Variants in ARHGAP6 observed in about 807,000 individuals in gnomAD.
The protein encoded by ARHGAP6 is rho GTPase-activating protein 6.
Under a neutral mutation model 55.7 loss-of-function variants are expected in ARHGAP6, and 16 were observed. The observed-to-expected ratio is 0.29, with a 90% CI of 0.19 to 0.44. The LOEUF (loss-of-function observed/expected upper bound fraction) is 0.44, where lower values mean the gene tolerates loss of function less well. ARHGAP6 is among the 20% of genes least tolerant of loss of function. The pLI is 1.00. For missense variants in ARHGAP6, 698 were observed against 808.9 expected (o/e 0.86, Z 1.66); for synonymous variants, 382 against 360.9 (o/e 1.06, Z -0.66).
chrX:11,485,467 A>G (rs1163954417), intron 1 of ARHGAP6, among the ~76,000 whole-genome samples: 1 of 112,303 alleles, frequency 8.9e-6, no homozygotes, highest in Non-Finnish European at 1.9e-5. Flanking sequence ...GAGCTTACAT[A>G]ATGTTGGTCT....
intron 1 of ARHGAP6, chrX:11,294,880 T>A: frequency 8.4e-7 from 1 of 1,195,748 alleles, no homozygotes; most frequent in Admixed American, 2.2e-5. Flanking sequence ...AGTGTCCAAT[T>A]TCACAAACTT....
intron 9 of ARHGAP6, 116 bp from the exon 10 acceptor site, chrX:11,156,742 A>G: frequency 3.6e-6 from 2 of 553,070 alleles, no homozygotes; most frequent in South Asian, 6.2e-5. Flanking sequence ...AAGACAGCAG[A>G]ATGATTTGCT....
intron 1 of ARHGAP6, among the ~76,000 whole-genome samples, chrX:11,328,544 T>A (rs887814384): frequency 8.9e-6 from 1 of 112,243 alleles, no homozygotes; most frequent in Admixed American, 9.5e-5. Context: ...CTGAATTCAG[T>A]GCCTGACCAC....
At chrX:11,333,528 C>T (rs991626594) in intron 1 of ARHGAP6, among the ~76,000 whole-genome samples, 5 of 111,428 alleles carry the variant, frequency 4.5e-5, no homozygotes, top group Admixed American at 9.5e-5. Flanking sequence ...ATTAGCAGCA[C>T]GAAAATGGAC....
chrX:11,605,170 A>G (rs1037579749), intron 1 of ARHGAP6, among the ~76,000 whole-genome samples: 14 of 111,484 alleles, frequency 1.3e-4, no homozygotes, highest in African/African-American at 3.3e-4. Context: ...AATGGACGCA[A>G]TGTTCTCCAT....
chrX:11,338,682 C>T (rs1318101777), intron 1 of ARHGAP6, among the ~76,000 whole-genome samples: 1 of 112,168 alleles, frequency 8.9e-6, no homozygotes, highest in East Asian at 2.8e-4. Context: ...ACTTCCCAGA[C>T]ACTCCTTCAA....
intron 1 of ARHGAP6, among the ~76,000 whole-genome samples, chrX:11,373,538 T>C (rs779997054): frequency 8.9e-6 from 1 of 112,193 alleles, no homozygotes; most frequent in Non-Finnish European, 1.9e-5. Flanking sequence ...ATTTCAAGCA[T>C]ATAAATAACA....
chrX:11,643,758 G>C (rs905784590), intron 1 of ARHGAP6, among the ~76,000 whole-genome samples: 1 of 111,330 alleles, frequency 9.0e-6, no homozygotes, highest in Non-Finnish European at 1.9e-5. Flanking sequence ...ACAAGTGACA[G>C]TGCATAGTTT....
At chrX:11,435,325 G>A (rs1202081376) in intron 1 of ARHGAP6, among the ~76,000 whole-genome samples, 2 of 112,417 alleles carry the variant, frequency 1.8e-5, no homozygotes, top group African/African-American at 6.5e-5. Flanking sequence ...AACTTTAGTT[G>A]TCTTCCTTCA....
intron 1 of ARHGAP6, among the ~76,000 whole-genome samples, chrX:11,635,363 TTTTG>T (rs1323463679): frequency 8.0e-5 from 9 of 111,976 alleles, no homozygotes; most frequent in Non-Finnish European, 1.7e-4. Flanking sequence ...TGGTTTTTGG[TTTTG>T]TTTCTACATT....
At position 11,406,472 on chromosome X, in the gene ARHGAP6, A is replaced by G. The variant is rs142862000; in HGVS notation, c.589-151765T>C. Among the ~76,000 whole-genome samples, 616 of 111,404 alleles carry G rather than the reference A, an allele frequency of 5.5e-3. 2 individuals carry two copies. The highest frequency in any genetic ancestry group is 7.8e-3 in the Non-Finnish European group (414 of 53,051). ...ATTCCGCCTGAGCTTGCTGTAAACT[A>G]TACACACACACACCCCACACACACA... On this transcript the variant is annotated intron_variant, in intron 1 of 12. Transcript: ENST00000337414.
chrX:11,448,864 C>T (rs2050118517), intron 1 of ARHGAP6, among the ~76,000 whole-genome samples: 2 of 111,804 alleles, frequency 1.8e-5, no homozygotes, highest in African/African-American at 3.3e-5. Context: ...AAATACCAAA[C>T]ATTATCCACA....
intron 1 of ARHGAP6, among the ~76,000 whole-genome samples, chrX:11,402,224 A>C (rs2049558178): frequency 8.9e-6 from 1 of 112,143 alleles, no homozygotes; most frequent in African/African-American, 3.2e-5. Context: ...TCTTGGCCAC[A>C]AAAGTATGCT....
chrX:11,237,598 T>G (rs2047219926), intron 2 of ARHGAP6, among the ~76,000 whole-genome samples: 1 of 111,443 alleles, frequency 9.0e-6, no homozygotes, highest in African/African-American at 3.3e-5. Context: ...GGTCCTAGCT[T>G]ATTCAAAGCT....
intron 2 of ARHGAP6, among the ~76,000 whole-genome samples, chrX:11,215,843 C>A (rs1229677464): frequency 8.9e-6 from 1 of 112,523 alleles, no homozygotes; most frequent in Non-Finnish European, 1.9e-5. Context: ...AGGCCCCCAG[C>A]CCCTATGTTG....
intron 1 of ARHGAP6, among the ~76,000 whole-genome samples, chrX:11,412,025 T>A (rs2049693623): frequency 9.0e-6 from 1 of 111,556 alleles, no homozygotes. Context: ...GGCATTACAC[T>A]TTCACACACA....
In ARHGAP6 at chrX:11,461,585, G is replaced by T. The variant is rs189056202; in HGVS notation, c.588+202656C>A. On this transcript the variant is annotated intron_variant, in intron 1 of 12. Coordinates refer to ENST00000337414, the MANE Select transcript of ARHGAP6 (RefSeq NM_013427.3). Reference sequence around the variant, plus strand: ...ATGAATACATGAATGAGGTGGTGGGGTTGACATACTTGTCTCTCTGAATTT... The same window carrying T: ...ATGAATACATGAATGAGGTGGTGGGTTTGACATACTTGTCTCTCTGAATTT... Among the ~76,000 whole-genome samples, 3 of 112,139 alleles carry T rather than the reference G, an allele frequency of 2.7e-5. No individual in the cohort carries two copies. In the Admixed American group the frequency reaches 2.8e-4, roughly 11 times the overall value.
chrX:11,230,948 C>T (rs2047123670), intron 2 of ARHGAP6, among the ~76,000 whole-genome samples: 1 of 110,105 alleles, frequency 9.1e-6, no homozygotes, highest in South Asian at 3.9e-4. Context: ...ATTATCACCC[C>T]AAGTCCATAG....
chrX:11,234,050 C>T (rs1016157087), intron 2 of ARHGAP6, among the ~76,000 whole-genome samples: 9 of 112,160 alleles, frequency 8.0e-5, no homozygotes, highest in Non-Finnish European at 1.7e-4. Context: ...AACTGATGGT[C>T]GTATTTCCTT....
Sources: gnomAD v4.1 joint callset for allele counts (sites outside exome capture counted in the v4.1 genomes callset) on GRCh38, gnomAD v4.1.1 for gene constraint, MANE v1.5 for transcripts, NCBI Gene and HGNC (gene_info 2026-07-23, HGNC 2026-07-21) for gene names.